Variants in ANKRD11 observed in about 807,000 individuals in gnomAD.
ANKRD11 encodes ankyrin repeat domain-containing protein 11.
In ANKRD11, 17 loss-of-function variants were observed where a neutral mutation model predicts 195.7. The observed-to-expected ratio is 0.09, with a 90% CI of 0.06 to 0.13. The LOEUF is 0.13. ANKRD11 is among the 10% of genes least tolerant of loss of function. The pLI, the probability that ANKRD11 is intolerant of heterozygous loss-of-function variation, is 1.00. For missense variants in ANKRD11, 3,735 were observed against 3,566.1 expected (o/e 1.05, Z -1.21); for synonymous variants, 1,953 against 1,528.1 (o/e 1.28, Z -6.49).
Position 89,281,827 on chromosome 16 carries a change from A to T in ANKRD11, c.4715T>A (p.Leu1572His). ...CATCATCAGGTCGCCGTCCCCCAGG[A>T]GCTTCTCCCTGGGCCTGGCGTCTTT... Reference protein sequence around the residue: ...GKKDARPREKLLGDGDLMMTS... With the variant: ...GKKDARPREKHLGDGDLMMTS... Residue 1572 changes from leucine to histidine, a missense_variant, in exon 9 of 13, where the codon CTC becomes CAC. By Grantham distance (99) the Leu-to-His change is moderately conservative (BLOSUM62 -3). Coordinates refer to ENST00000301030, the MANE Select transcript of ANKRD11 (RefSeq NM_013275.6). The surrounding 1 kb of genome is among the most constrained non-coding windows in gnomAD (Gnocchi z 5.5). 1 of 1,613,774 alleles carries T rather than the reference A, an allele frequency of 6.2e-7. No individual in the cohort carries two copies. Among genetic ancestry groups the T allele is most frequent in the Admixed American group, 1.7e-5 (1 of 60,016 alleles).
intron 2 of ANKRD11, among the ~76,000 whole-genome samples, chr16:89,384,625 C>T (rs2040816286): frequency 6.6e-6 from 1 of 152,142 alleles, no homozygotes; most frequent in Non-Finnish European, 1.5e-5. Flanking sequence ...AGGAAGGAGC[C>T]TCTGCACTGG....
chr16:89,479,919 G>T (rs1250929685), intron 1 of ANKRD11, among the ~76,000 whole-genome samples: 2 of 149,788 alleles, frequency 1.3e-5, no homozygotes, highest in African/African-American at 4.9e-5. Context: ...CTCCAGCCTG[G>T]GTGACAGAGC....
rs2034811107 is a variant in ANKRD11, at chr16:89,288,539, C to T, written c.733G>A (p.Gly245Arg). ...GGGGGGATGCCAACCTTGTAGTGCC[C>T]GTTGTTGGCAGCGTCGTGCAAAGGC... ...DTPLHDAANN[G>R]HYKVVKLLLR... The change falls in exon 7 of 13, where the codon GGG (glycine) becomes AGG (arginine). Residue 245 changes from glycine to arginine, a missense_variant. By Grantham distance (125) the Gly-to-Arg change is moderately radical. Coordinates refer to ENST00000301030, the MANE Select transcript of ANKRD11 (RefSeq NM_013275.6). 2 of 1,614,148 alleles carry T rather than the reference C, an allele frequency of 1.2e-6. No individual in the cohort carries two copies. The highest frequency in any genetic ancestry group is 2.2e-5 in the East Asian group (1 of 44,884).
intron 1 of ANKRD11, among the ~76,000 whole-genome samples, 166 bp downstream of exon 1, chr16:89,490,079 C>T (rs1421436677): frequency 6.9e-6 from 1 of 145,128 alleles, no homozygotes; most frequent in Non-Finnish European, 1.5e-5. Flanking sequence ...CCCTCACGAT[C>T]GCCCCGGGCC....
intron 1 of ANKRD11, among the ~76,000 whole-genome samples, chr16:89,423,612 G>A (rs1333041700): frequency 1.3e-5 from 2 of 152,232 alleles, no homozygotes; most frequent in Non-Finnish European, 2.9e-5. Flanking sequence ...CTCAGCACCT[G>A]ACCCAACTCA....
Position 89,368,371 on chromosome 16 carries a change from GTTTTTTTTTTTTTT to G in ANKRD11, c.-60+49899_-60+49912del, listed in dbSNP as rs71134210. Among the ~76,000 whole-genome samples, 116 of 56,596 alleles carry G rather than the reference GTTTTTTTTTTTTTT, an allele frequency of 2.0e-3. 1 individual carries two copies. Among genetic ancestry groups the G allele is most frequent in the Admixed American group, 1.6e-3 (5 of 3,060 alleles). The allele number at this position is 56,596 out of a possible 152,430, so 37.1% of individuals were successfully genotyped here. On this transcript the variant is annotated intron_variant, in intron 2 of 12. Coordinates refer to ENST00000301030, the MANE Select transcript of ANKRD11 (RefSeq NM_013275.6). ...GCTGCCGTGCCTGGCTAATTTTTGTGTTTTTTTTTTTTTTTTTTTTTTTTTTTTTTTAGTAGAGA... is the reference window on the plus strand; with the variant it reads ...GCTGCCGTGCCTGGCTAATTTTTGTGTTTTTTTTTTTTTTTTTAGTAGAGA...
intron 1 of ANKRD11, among the ~76,000 whole-genome samples, chr16:89,480,065 C>T (rs961829294): frequency 2.0e-5 from 3 of 148,984 alleles, no homozygotes; most frequent in Admixed American, 1.3e-4. Context: ...GAGCTGAGAT[C>T]GTGTCATTGC....
chr16:89,338,517 T>C (rs1208842977), intron 2 of ANKRD11, among the ~76,000 whole-genome samples: 1 of 149,100 alleles, frequency 6.7e-6, no homozygotes, highest in African/African-American at 2.5e-5. Context: ...TCACCTGAGG[T>C]CAGGAGTTCA....
chr16:89,451,942 CA>C (rs2044094250), intron 1 of ANKRD11, among the ~76,000 whole-genome samples: 1 of 151,974 alleles, frequency 6.6e-6, no homozygotes, highest in African/African-American at 2.4e-5. Context: ...TCTAGACGTT[CA>C]AAATTTAACC....
intron 2 of ANKRD11, chr16:89,323,326 A>G (rs1296033866): frequency 7.8e-7 from 1 of 1,288,872 alleles, no homozygotes; most frequent in African/African-American, 1.5e-5. Flanking sequence ...GCACTGTGGC[A>G]ATCCCAGGTA....
intron 2 of ANKRD11, among the ~76,000 whole-genome samples, chr16:89,349,410 G>A (rs1317342618): frequency 6.6e-6 from 1 of 152,006 alleles, no homozygotes; most frequent in African/African-American, 2.4e-5. Context: ...AACCCGGGAG[G>A]CGGAGCTTAC....
rs560189264 is a variant in ANKRD11, at chr16:89,467,821, G to A, written c.-145+22424C>T. On this transcript the variant is annotated intron_variant, in intron 1 of 12. Transcript: ENST00000301030. The stretch of plus-strand genomic sequence containing the variant: ...GTGTTTTGTTTTGTTTGTTTGTTGA[G>A]ACAATGTCTCGCTCTGTTGCCCGGG... Among the ~76,000 whole-genome samples, 9 of 152,222 alleles carry A rather than the reference G, an allele frequency of 5.9e-5. No homozygotes were observed. In the South Asian group the frequency reaches 1.9e-3, roughly 32 times the overall value.
chr16:89,375,178 G>C (rs1267308986), intron 2 of ANKRD11, among the ~76,000 whole-genome samples: 1 of 152,106 alleles, frequency 6.6e-6, no homozygotes, highest in East Asian at 1.9e-4. Context: ...GCCACAGCCT[G>C]TGCTACCGCG....
At chr16:89,374,290 T>C (rs1325341027) in intron 2 of ANKRD11, among the ~76,000 whole-genome samples, 1 of 152,122 alleles carries the variant, frequency 6.6e-6, no homozygotes, top group East Asian at 1.9e-4. Context: ...TAAAAAATAT[T>C]ACTAGAGAGC....
intron 1 of ANKRD11, among the ~76,000 whole-genome samples, chr16:89,446,014 A>AC (rs1449687018): frequency 2.8e-4 from 42 of 151,956 alleles, no homozygotes; most frequent in African/African-American, 9.9e-4. Flanking sequence ...AAAAAAAAAA[A>AC]AAAAAACCAG....
At chr16:89,295,491 A>G (rs1004927345) in intron 4 of ANKRD11, among the ~76,000 whole-genome samples, 1 of 151,996 alleles carries the variant, frequency 6.6e-6, no homozygotes, top group African/African-American at 2.4e-5. Flanking sequence ...ATTCCACGGA[A>G]CCCTCTCCTC....
chr16:89,487,508 G>T (rs2057660117), intron 1 of ANKRD11, among the ~76,000 whole-genome samples: 2 of 152,208 alleles, frequency 1.3e-5, no homozygotes, highest in African/African-American at 4.8e-5. Flanking sequence ...GGGCGCGGTG[G>T]CTCACGCCTG....
At chr16:89,353,645 T>C (rs1018563830) in intron 2 of ANKRD11, among the ~76,000 whole-genome samples, 1 of 152,032 alleles carries the variant, frequency 6.6e-6, no homozygotes, top group African/African-American at 2.4e-5. Flanking sequence ...GCTTGCCTAA[T>C]TTCTTTGTAT....
intron 2 of ANKRD11, among the ~76,000 whole-genome samples, chr16:89,392,885 G>A (rs751636484): frequency 4.6e-5 from 7 of 151,808 alleles, no homozygotes; most frequent in Non-Finnish European, 7.4e-5. Flanking sequence ...ACCTTTGAGA[G>A]TGAACTTGTG....
Sources: gnomAD v4.1 joint callset for allele counts (sites outside exome capture counted in the v4.1 genomes callset) on GRCh38, gnomAD v4.1.1 for gene constraint, Gnocchi (gnomAD v3.1) non-coding constraint, MANE v1.5 for transcripts, NCBI Gene and HGNC (gene_info 2026-07-23, HGNC 2026-07-21) for gene names.